Variants in UNC80 observed in about 807,000 individuals in gnomAD.
UNC80 encodes protein unc-80 homolog.
UNC80 carries 164 observed loss-of-function variants against 384.6 expected under a neutral mutation model. That is an observed-to-expected ratio of 0.43 (90% CI 0.38 to 0.49). UNC80 has a LOEUF of 0.49. UNC80 is among the 20% of genes least tolerant of loss of function. UNC80 has a pLI of 0.00. For synonymous variants in UNC80, 1,486 were observed against 1,527.8 expected (o/e 0.97, Z 0.64); for missense variants, 3,330 against 4,143.0 (o/e 0.80, Z 5.39).
intron 4 of UNC80, among the ~76,000 whole-genome samples, chr2:209,780,977 C>T (rs942739146): frequency 3.9e-5 from 6 of 152,212 alleles, no homozygotes; most frequent in Non-Finnish European, 8.8e-5. Context: ...GTTTCTGCAA[C>T]GCTGTAGTCT....
At position 209,849,809 on chromosome 2, in the gene UNC80, A is replaced by G. The variant is rs573256243; in HGVS notation, c.3627+186A>G. Among the ~76,000 whole-genome samples, 7 of 151,918 alleles carry G rather than the reference A, an allele frequency of 4.6e-5. No individual in the cohort carries two copies. In the East Asian group the frequency reaches 1.4e-3, roughly 29 times the overall value. ...AAATCTTAATTAATATGCCCTGGGA[A>G]ATAGACTGTCTAAATATGTGAAGGC... On this transcript the variant is annotated intron_variant, in intron 22 of 64. Transcript: ENST00000673920.
At chr2:209,823,794 A>G (rs927524388) in intron 13 of UNC80, among the ~76,000 whole-genome samples, 9 of 152,098 alleles carry the variant, frequency 5.9e-5, no homozygotes, top group Non-Finnish European at 2.9e-5. Context: ...TGTAAGGCAC[A>G]GGTAGGTTAA....
intron 24 of UNC80, 100 bp from the exon 25 acceptor site, chr2:209,880,861 C>A: frequency 2.6e-6 from 3 of 1,141,066 alleles, no homozygotes; most frequent in South Asian, 1.5e-5. Context: ...TTCTCATATG[C>A]AATTTGATTC....
rs753863784 is a variant in UNC80 at position 209,786,053 on chromosome 2, T to C, written c.601-13T>C. The C allele has an allele frequency of 2.5e-6, 4 of 1,612,438 alleles. No homozygotes were observed. The South Asian group carries it at 4.4e-5, about 18-fold the overall frequency. Reference sequence around the variant, plus strand: ...TGTCAGTTATTGGACATATATCTTCTCCTCCCCCCTAGGAATCTGACCTCA... The same window carrying C: ...TGTCAGTTATTGGACATATATCTTCCCCTCCCCCCTAGGAATCTGACCTCA... On this transcript the variant is annotated splice_polypyrimidine_tract_variant and intron_variant, in intron 4 of 64. Coordinates refer to ENST00000673920, the MANE Select transcript of UNC80 (RefSeq NM_001371986.1).
intron 59 of UNC80, among the ~76,000 whole-genome samples, chr2:209,980,468 T>TGAG (rs2093130922): frequency 6.6e-6 from 1 of 152,218 alleles, no homozygotes; most frequent in South Asian, 2.1e-4. Context: ...TGCAATTTTT[T>TGAG]GCTTATATCT....
intron 61 of UNC80, among the ~76,000 whole-genome samples, chr2:209,988,305 A>T (rs1243961236): frequency 6.6e-6 from 1 of 152,138 alleles, no homozygotes; most frequent in Non-Finnish European, 1.5e-5. Flanking sequence ...AACCAAAAGC[A>T]CAGATAAAAG....
At chr2:209,792,164 C>T (rs992980156) in intron 6 of UNC80, among the ~76,000 whole-genome samples, 14 of 152,092 alleles carry the variant, frequency 9.2e-5, no homozygotes, top group African/African-American at 3.4e-4. Flanking sequence ...ATGAGCGGGA[C>T]ATAGTGGCAC....
At chr2:209,892,235 A>G (rs755547778) in intron 26 of UNC80, among the ~76,000 whole-genome samples, 15 of 152,150 alleles carry the variant, frequency 9.9e-5, no homozygotes, top group Non-Finnish European at 1.6e-4. Flanking sequence ...TCAAAATCCT[A>G]TGATATTTTG....
Position 209,834,960 on chromosome 2 carries a change from T to G in UNC80, c.2991T>G (p.Pro997=), listed in dbSNP as rs1412008065. 6.4e-7 allele frequency: 1 copy of G among 1,551,088 alleles called. No homozygotes were observed. The highest frequency in any genetic ancestry group is 8.7e-7 in the Non-Finnish European group (1 of 1,146,500). Residue 997 remains proline (P), a synonymous_variant, in exon 18 of 65, where the codon CCT becomes CCG. Transcript: ENST00000673920. ...IVDKGQVSSA[P]EECRSFMSGR... ...ATAAAGGCCAGGTATCCTCTGCACCTGAGGAATGTCGCAGCTTCATGTCTG... is the reference window on the plus strand; with the variant it reads ...ATAAAGGCCAGGTATCCTCTGCACCGGAGGAATGTCGCAGCTTCATGTCTG...
chr2:209,801,575 G>A (rs2078557186), intron 7 of UNC80, among the ~76,000 whole-genome samples: 1 of 150,792 alleles, frequency 6.6e-6, no homozygotes. Context: ...TAGAGATGGG[G>A]TTTCACCATG....
At chr2:209,826,094 C>T in intron 14 of UNC80, 41 bp downstream of exon 14, 4 of 1,520,528 alleles carry the variant, frequency 2.6e-6, no homozygotes, top group Non-Finnish European at 2.7e-6. Flanking sequence ...CTCCCTCTTC[C>T]TTCCCTTCTG....
rs764433859 is a variant in UNC80, at chr2:209,825,980, G to A, written c.2405G>A (p.Cys802Tyr). ...ATCAAAATAGTGAAGTCTTTGGGAT[G>A]TGCCTATGGTTGTGGTGAAGGACAC... ...MLIKIVKSLGCAYGCGEGHRG... is the reference protein window; with the variant it reads ...MLIKIVKSLGYAYGCGEGHRG... Residue 802 changes from cysteine to tyrosine, a missense_variant, in exon 14 of 65, where the codon TGT becomes TAT. By Grantham distance (194) the Cys-to-Tyr change is radical. Around this residue, in one of 8 missense-constraint regions of UNC80, gnomAD observed 937 missense variants for 1,026.8 expected, o/e 0.91. Transcript: ENST00000673920. 1.9e-6 allele frequency: 3 copies of A among 1,550,894 alleles called. No homozygotes were observed. The highest frequency in any genetic ancestry group is 2.6e-6 in the Non-Finnish European group (3 of 1,146,544).
chr2:209,901,623 T>C (rs1179201704), intron 28 of UNC80, among the ~76,000 whole-genome samples: 4 of 152,150 alleles, frequency 2.6e-5, no homozygotes, highest in Non-Finnish European at 5.9e-5. Context: ...TCAAGTCTTA[T>C]GATTTAAGAA....
rs2093503650 is a variant in UNC80 at position 209,997,710 on chromosome 2, C to G, written c.*2115C>G. ...ATAAGCTAAGCAATGTTGTAACTTG[C>G]AAAAAAGCCTCCACTCTGAGAAACA... On this transcript the variant is annotated 3_prime_UTR_variant, in exon 65 of 65. Coordinates refer to ENST00000673920, the MANE Select transcript of UNC80 (RefSeq NM_001371986.1). 1.3e-5 allele frequency: 2 copies of G among 151,968 alleles called. No individual in the cohort carries two copies. Among genetic ancestry groups the G allele is most frequent in the South Asian group, 4.1e-4 (2 of 4,826 alleles). The allele number at this position is 151,968 out of a possible 1,614,324, so 9.4% of individuals were successfully genotyped here.
At position 209,894,493 on chromosome 2, in the gene UNC80, C is replaced by G. The variant is rs148914116; in HGVS notation, c.4480+127C>G. 1.0e-4 allele frequency: 43 copies of G among 423,820 alleles called. No homozygotes were observed. In the East Asian group the frequency reaches 5.1e-3, roughly 50 times the overall value. 26.3% of individuals were successfully genotyped at this position (423,820 alleles called of 1,614,324 possible). A position where few individuals can be genotyped will look rare whatever the true frequency, so the allele number is the denominator to read the frequency against. On this transcript the variant is annotated intron_variant, in intron 27 of 64. Coordinates refer to ENST00000673920, the MANE Select transcript of UNC80 (RefSeq NM_001371986.1). ...AGGGCAGAGCCATAGGATAGACAAC[C>G]TGTTCAGCCTGAAAACCATACTACC... is the stretch of plus-strand genomic sequence containing the variant.
Position 209,888,101 on chromosome 2 carries a change from G to A in UNC80, c.4117G>A (p.Glu1373Lys), listed in dbSNP as rs2085996110. The A allele has an allele frequency of 6.4e-7, 1 of 1,551,558 alleles. No individual in the cohort carries two copies. The highest frequency in any genetic ancestry group is 2.0e-5 in the Admixed American group (1 of 50,988). The change falls in exon 26 of 65, where the codon GAG (glutamate) becomes AAG (lysine). Residue 1373 changes from glutamate to lysine, a missense_variant. By Grantham distance (56) the Glu-to-Lys change is moderately conservative (BLOSUM62 1). This residue lies in a region of UNC80 where 801 missense variants were observed against 950.8 expected (regional missense o/e 0.84). Coordinates refer to ENST00000673920, the MANE Select transcript of UNC80 (RefSeq NM_001371986.1). ...RPRTEPLVDL[E>K]SCRLRLDPEL... ...CTCCTCACTGGCATTTTAGGACTTGGAGAGCTGCAGACTTCGTTTGGATCC... is the reference window on the plus strand; with the variant it reads ...CTCCTCACTGGCATTTTAGGACTTGAAGAGCTGCAGACTTCGTTTGGATCC...
intron 60 of UNC80, among the ~76,000 whole-genome samples, chr2:209,984,250 A>G (rs1415447752): frequency 6.6e-6 from 1 of 152,226 alleles, no homozygotes; most frequent in East Asian, 1.9e-4. Flanking sequence ...GTAAGGAGGT[A>G]AATGCGAGTT....
chr2:209,962,876 C>T (rs527866687), intron 51 of UNC80, among the ~76,000 whole-genome samples: 14 of 151,996 alleles, frequency 9.2e-5, no homozygotes, highest in Admixed American at 7.9e-4. Flanking sequence ...TATAAATTTG[C>T]GAATTGAGGG....
intron 21 of UNC80, among the ~76,000 whole-genome samples, chr2:209,844,476 TTTCCTTCCTTCCTTCCTTCCTTCCTTCC>T (rs1163831109): frequency 1.3e-4 from 9 of 69,540 alleles, no homozygotes; most frequent in African/African-American, 4.2e-4. Flanking sequence ...TCTTTCTTTC[TTTCCTTCCTTCCTTCCTTCCTTCCTTCC>T]TTCCTTCCTT....
Sources: allele counts gnomAD v4.1 joint callset (sites outside exome capture counted in the v4.1 genomes callset), GRCh38; gene constraint gnomAD v4.1.1; regional missense constraint gnomAD v4.1.1; transcripts MANE v1.5; gene names NCBI Gene and HGNC (gene_info 2026-07-23, HGNC 2026-07-21).